ACAA1: variants seen among roughly 807,000 people sequenced by gnomAD.
ACAA1 encodes the protein acetyl-CoA acyltransferase 1.
ACAA1 carries 44 observed loss-of-function variants against 48.8 expected under a neutral mutation model. The ratio of observed to expected loss-of-function variants is 0.90; its 90% CI spans 0.71 to 1.16. The LOEUF (loss-of-function observed/expected upper bound fraction) is 1.16. Ranked by LOEUF, ACAA1 falls within the 50% of genes most tolerant of loss-of-function variation. ACAA1 has a pLI of 0.00. For synonymous variants in ACAA1, 233 were observed against 226.5 expected (o/e 1.03, Z -0.26); for missense variants, 512 against 562.3 (o/e 0.91, Z 0.90).
In ACAA1 at chr3:38,136,638, G is replaced by A; in HGVS notation, c.219C>T (p.Leu73=). The A allele has an allele frequency of 6.2e-7, 1 of 1,614,014 alleles. No homozygotes were observed. Among genetic ancestry groups the A allele is most frequent in the Non-Finnish European group, 8.5e-7 (1 of 1,179,972 alleles). ...ELLSAVMTAV[L]KDVNLRPEQL... ...GTTCCGGCCTCAGATTCACGTCCTT[G>A]AGAACCGCGGTCATGACTGCCGAGA... Residue 73 remains leucine, a synonymous_variant, in exon 2 of 12, where the codon CTC becomes CTT. Transcript: ENST00000333167.
intron 4 of ACAA1, 22 bp downstream of exon 4, chr3:38,131,904 C>T: frequency 6.2e-7 from 1 of 1,607,302 alleles, no homozygotes; most frequent in Non-Finnish European, 8.5e-7. Context: ...AGGACCAAGG[C>T]ACCCACCCAG....
At chr3:38,133,085 G>C (rs895560667) in intron 3 of ACAA1, among the ~76,000 whole-genome samples, 16 of 152,292 alleles carry the variant, frequency 1.1e-4, no homozygotes, top group Non-Finnish European at 2.1e-4. Flanking sequence ...GAGAGGAAGG[G>C]GCTCTCAATT....
chr3:38,136,667 G>C lies in ACAA1; in HGVS notation c.190C>G (p.Leu64Val), dbSNP rs1242862105. 9.9e-6 allele frequency: 16 copies of C among 1,613,152 alleles called. No individual in the cohort carries two copies. Among genetic ancestry groups the C allele is most frequent in the Non-Finnish European group, 1.4e-5 (16 of 1,179,556 alleles). ...GGFKDTTPDE[L>V]LSAVMTAVLK... is the part of the protein sequence containing the mutation. ...ACCGCGGTCATGACTGCCGAGAGAAGCTCGTCGGGGGTGGTGTCCTGCAGC... is the reference window on the plus strand; with the variant it reads ...ACCGCGGTCATGACTGCCGAGAGAACCTCGTCGGGGGTGGTGTCCTGCAGC... Residue 64 changes from leucine to valine, a missense_variant, in exon 2 of 12, where the codon CTT (leucine) becomes GTT (valine). Leu to Val is a conservative substitution (Grantham distance 32, BLOSUM62 1). Transcript: ENST00000333167.
chr3:38,134,327 T>A (rs1235996207), intron 2 of ACAA1: 1 of 439,050 alleles, frequency 2.3e-6, no homozygotes, highest in Admixed American at 3.6e-5. Context: ...AATGCACATC[T>A]CCCCAGGTAT....
At chr3:38,131,838 G>T in intron 4 of ACAA1, 88 bp downstream of exon 4, 1 of 1,365,622 alleles carries the variant, frequency 7.3e-7, no homozygotes, top group Non-Finnish European at 1.0e-6. Flanking sequence ...CCTCAGAAAT[G>T]GTAATTATTG....
Position 38,137,043 on chromosome 3 carries a change from G to A in ACAA1, c.-8C>T. ...TACCTGCAGCCTCTGCATTGCGCAG[G>A]TCAACCCTGCAGACCAGCCACCAGT... On this transcript the variant is annotated 5_prime_UTR_variant, in exon 1 of 12. Coordinates refer to ENST00000333167, the MANE Select transcript of ACAA1 (RefSeq NM_001607.4). 1 of 1,555,150 alleles carries A rather than the reference G, an allele frequency of 6.4e-7. No homozygotes were observed. Among genetic ancestry groups the A allele is most frequent in the Non-Finnish European group, 8.7e-7 (1 of 1,153,488 alleles).
At chr3:38,136,526 G>T in intron 2 of ACAA1, 66 bp downstream of exon 2, 1 of 1,579,034 alleles carries the variant, frequency 6.3e-7, no homozygotes, top group Non-Finnish European at 8.7e-7. Context: ...GCGGGGAGGT[G>T]AGGAGAGCTC....
chr3:38,134,819 GT>G (rs1373373847), intron 2 of ACAA1, among the ~76,000 whole-genome samples: 1 of 152,194 alleles, frequency 6.6e-6, no homozygotes, highest in Non-Finnish European at 1.5e-5. Flanking sequence ...TTTGTCCAAG[GT>G]TTCCCCCCAC....
intron 2 of ACAA1, 146 bp from the exon 3 acceptor site, chr3:38,134,155 G>A (rs1700842172): frequency 6.6e-6 from 5 of 753,650 alleles, no homozygotes; most frequent in South Asian, 1.9e-5. Flanking sequence ...GGAACATCAG[G>A]GTTTGGGGCA....
At position 38,129,622 on chromosome 3, in the gene ACAA1, T is replaced by C. The variant is rs546851031; in HGVS notation, c.447-234A>G. Among the ~76,000 whole-genome samples the C allele has an allele frequency of 1.3e-3, 202 of 152,254 alleles. 1 individual carries two copies. The highest frequency in any genetic ancestry group is 2.5e-3 in the Non-Finnish European group (167 of 68,014). On this transcript the variant is annotated intron_variant, in intron 5 of 11. Transcript: ENST00000333167. The surrounding 1 kb of genome is among the most constrained non-coding windows in gnomAD (Gnocchi z 5.3). Reference sequence around the variant, plus strand: ...GGACAGAGCACTGCACAATAAACACTCCTGGGGGCAGGGCTATGCTTCCCT... The same window carrying C: ...GGACAGAGCACTGCACAATAAACACCCCTGGGGGCAGGGCTATGCTTCCCT...
At chr3:38,135,798 C>G (rs1298654716) in intron 2 of ACAA1, among the ~76,000 whole-genome samples, 2 of 152,102 alleles carry the variant, frequency 1.3e-5, no homozygotes, top group Non-Finnish European at 2.9e-5. Context: ...ACTAATACTC[C>G]TCAGCACCGA....
chr3:38,125,060 C>G (rs1700646937), intron 11 of ACAA1: 1 of 152,316 alleles, frequency 6.6e-6, no homozygotes, highest in Non-Finnish European at 1.5e-5. Flanking sequence ...AGCACCCATT[C>G]ACATCTCCTT....
chr3:38,127,590 A>G, intron 7 of ACAA1, 196 bp downstream of exon 7: 1 of 616,182 alleles, frequency 1.6e-6, no homozygotes, highest in South Asian at 1.8e-5. Context: ...ACAGACAGTA[A>G]TAGAACCTGG....
rs570960076 is a variant in ACAA1 at position 38,129,995 on chromosome 3, G to A, written c.447-607C>T. On this transcript the variant is annotated intron_variant, in intron 5 of 11. Coordinates refer to ENST00000333167, the MANE Select transcript of ACAA1 (RefSeq NM_001607.4). This position sits in a 1 kb window ranked among gnomAD's most constrained non-coding sequence, Gnocchi z 5.3. ...GCGGAACTTGCAGTGAGATGAGATC[G>A]TGTCACTGCACTCCAGCCTGGGCGA... Among the ~76,000 whole-genome samples the A allele has an allele frequency of 1.2e-3, 179 of 152,280 alleles. No homozygotes were observed. Among genetic ancestry groups the A allele is most frequent in the African/African-American group, 4.0e-3 (166 of 41,548 alleles).
Position 38,126,796 on chromosome 3 carries a change from C to T in ACAA1, c.627-96G>A. On this transcript the variant is annotated intron_variant, in intron 7 of 11. Coordinates refer to ENST00000333167, the MANE Select transcript of ACAA1 (RefSeq NM_001607.4). This position sits in a 1 kb window ranked among gnomAD's most constrained non-coding sequence, Gnocchi z 4.7. ...CCATTTGGGTAGACACAAGCTCAGGCTGCTAAATTCAGGGACATGCTCGAC... is the reference window on the plus strand; with the variant it reads ...CCATTTGGGTAGACACAAGCTCAGGTTGCTAAATTCAGGGACATGCTCGAC... 4 of 1,471,296 alleles carry T rather than the reference C, an allele frequency of 2.7e-6. No homozygotes were observed. Among genetic ancestry groups the T allele is most frequent in the Non-Finnish European group, 3.7e-6 (4 of 1,074,560 alleles). The allele number at this position is 1,471,296 out of a possible 1,614,324, so 91.1% of individuals were successfully genotyped here.
chr3:38,122,912 TG>T lies in ACAA1; in HGVS notation c.*134del, dbSNP rs1262721779. The T allele has an allele frequency of 1.1e-6, 1 of 927,062 alleles. No homozygotes were observed. Among genetic ancestry groups the T allele is most frequent in the Non-Finnish European group, 1.6e-6 (1 of 607,074 alleles). 57.4% of individuals were successfully genotyped at this position (927,062 alleles called of 1,614,324 possible). On this transcript the variant is annotated 3_prime_UTR_variant, in exon 12 of 12. Transcript: ENST00000333167. ...CAGTGTTCACATTTTCCAAATGAGT[TG>T]AAGTGCCTTGATCTGTCCACTGCCA...
rs1469053350 is a variant in ACAA1, at chr3:38,125,614, CCCCAGTGCAG to C, written c.1140_1149del (p.Cys381HisfsTer11). ...TTGAGCAGCGTGATGACCTGTCGTG[CCCCAGTGCAG>C]CCCAGTGGGTGCCCTAAGGCCACTG... On this transcript the variant is annotated frameshift_variant, in exon 11 of 12. Transcript: ENST00000333167. LOFTEE classifies it high-confidence loss of function. 23 of 1,596,874 alleles carry C rather than the reference CCCCAGTGCAG, an allele frequency of 1.4e-5. No homozygotes were observed. The highest frequency in any genetic ancestry group is 2.0e-5 in the Non-Finnish European group (23 of 1,170,878).
chr3:38,131,762 G>C (rs1700793746), intron 4 of ACAA1, 124 bp from the exon 5 acceptor site: 2 of 1,302,742 alleles, frequency 1.5e-6, no homozygotes, highest in Non-Finnish European at 2.2e-6. Context: ...GGAAGACCCA[G>C]GAGTGTTCAG....
intron 2 of ACAA1, among the ~76,000 whole-genome samples, chr3:38,135,773 AG>A (rs1034645019): frequency 2.6e-5 from 4 of 152,080 alleles, no homozygotes; most frequent in African/African-American, 9.7e-5. Flanking sequence ...AACTGCAAAG[AG>A]GCCTTCCTCT....
Sources: allele counts gnomAD v4.1 joint callset (sites outside exome capture counted in the v4.1 genomes callset), GRCh38; gene constraint gnomAD v4.1.1; non-coding constraint Gnocchi (gnomAD v3.1); transcripts MANE v1.5; gene names NCBI Gene and HGNC (gene_info 2026-07-23, HGNC 2026-07-21).